STEAP3: variants seen among roughly 807,000 people sequenced by gnomAD.
The protein encoded by STEAP3 is STEAP3 metalloreductase.
A neutral mutation model predicts 34.9 loss-of-function variants in STEAP3; 35 were observed. The ratio of observed to expected loss-of-function variants is 1.00; its 90% confidence interval spans 0.76 to 1.33. The LOEUF (loss-of-function observed/expected upper bound fraction) is 1.33. Ranked by LOEUF, STEAP3 falls within the 40% of genes most tolerant of loss-of-function variation. The probability of loss-of-function intolerance (pLI) is 0.00; values close to 1 mark genes in which losing one functional copy is unlikely to be tolerated. For synonymous variants in STEAP3, 281 were observed against 301.6 expected, an observed-to-expected ratio of 0.93 and a Z score of 0.71; for missense variants, 652 against 667.6, an observed-to-expected ratio of 0.98 and a Z score of 0.26.
rs147072811 is a variant in STEAP3 at position 119,235,840 on chromosome 2, G to A, written c.22+4806G>A. The stretch of plus-strand genomic sequence containing the variant: ...GACCCCAGTGGCATGACTGTCCTCG[G>A]CAGGGAACCAGATGTTGGGACCAGC... On this transcript the variant is annotated intron_variant, in intron 2 of 5. Coordinates refer to ENST00000393110, the MANE Select transcript of STEAP3 (RefSeq NM_182915.3). Among the ~76,000 whole-genome samples, 1,503 of 152,280 alleles carry A rather than the reference G, an allele frequency of 9.9e-3. 14 individuals are homozygous for A. The highest frequency in any genetic ancestry group is 0.018 in the South Asian group (86 of 4,822).
chr2:119,235,478 G>A (rs150953865), intron 2 of STEAP3, among the ~76,000 whole-genome samples: 106 of 152,314 alleles, frequency 7.0e-4, no homozygotes, highest in African/African-American at 2.4e-3. Context: ...CATTGACTCC[G>A]TCCACAGCCC....
intron 5 of STEAP3, among the ~76,000 whole-genome samples, chr2:119,255,683 G>A (rs766028553): frequency 4.6e-5 from 7 of 151,262 alleles, no homozygotes; most frequent in Non-Finnish European, 7.4e-5. Flanking sequence ...GAGCTTGAGC[G>A]ATTCTTCCAG....
intron 1 of STEAP3, among the ~76,000 whole-genome samples, chr2:119,228,780 A>G (rs1679118672): frequency 6.6e-6 from 1 of 152,090 alleles, no homozygotes; most frequent in Admixed American, 6.5e-5. Context: ...AACATCTGGC[A>G]TGGCTTGTGG....
intron 2 of STEAP3, among the ~76,000 whole-genome samples, chr2:119,241,066 G>GCGCA (rs563661098): frequency 6.7e-6 from 1 of 149,646 alleles, no homozygotes. Flanking sequence ...TAGGACACGT[G>GCGCA]CACACACACA....
At chr2:119,248,390 C>T in intron 4 of STEAP3, 184 bp downstream of exon 4, 1 of 698,296 alleles carries the variant, frequency 1.4e-6, no homozygotes, top group Non-Finnish European at 2.3e-6. Context: ...TATCAGTGAA[C>T]AAAGCAGATG....
chr2:119,250,639 C>T (rs559537902), intron 4 of STEAP3, among the ~76,000 whole-genome samples: 4 of 152,214 alleles, frequency 2.6e-5, no homozygotes, highest in African/African-American at 7.2e-5. Flanking sequence ...AAGACGGGGA[C>T]GGTGCCCACT....
rs3731606 is a variant in STEAP3, at chr2:119,245,231, G to A, written c.23-258G>A. The stretch of plus-strand genomic sequence containing the variant: ...CACTCTCACTCTGCCAGTTTTTCCC[G>A]AGGAAATCATTCAGCAGGAGGGACA... On this transcript the variant is annotated intron_variant, in intron 2 of 5. Transcript: ENST00000393110. 1,037 of 470,694 alleles carry A rather than the reference G, an allele frequency of 2.2e-3. 15 individuals carry two copies. The highest frequency in any genetic ancestry group is 0.022 in the East Asian group (677 of 31,002). 29.2% of individuals were successfully genotyped at this position (470,694 alleles called of 1,614,324 possible).
intron 2 of STEAP3, among the ~76,000 whole-genome samples, 180 bp downstream of exon 2, chr2:119,231,214 C>A (rs1263294486): frequency 1.3e-5 from 2 of 152,146 alleles, no homozygotes; most frequent in Non-Finnish European, 2.9e-5. Flanking sequence ...GCAAAAAGTG[C>A]AGTATGAAAT....
chr2:119,248,624 T>C (rs997988057), intron 4 of STEAP3: 1 of 165,962 alleles, frequency 6.0e-6, no homozygotes, highest in African/African-American at 2.4e-5. Context: ...CCTGCTGGGG[T>C]GATGTTGCAG....
chr2:119,225,565 A>G (rs895159793), intron 1 of STEAP3, among the ~76,000 whole-genome samples: 1 of 152,246 alleles, frequency 6.6e-6, no homozygotes, highest in Admixed American at 6.5e-5. Flanking sequence ...TTCCTCTCCC[A>G]TTCATATCTC....
chr2:119,248,263 C>CG, intron 4 of STEAP3, 57 bp downstream of exon 4: 1 of 1,420,106 alleles, frequency 7.0e-7, no homozygotes, highest in Non-Finnish European at 9.3e-7. Context: ...TGTCCAGCAC[C>CG]TCCCCCCCCC....
At position 119,245,478 on chromosome 2, in the gene STEAP3, T is replaced by C; in HGVS notation, c.23-11T>C. On this transcript the variant is annotated splice_polypyrimidine_tract_variant and intron_variant, in intron 2 of 5. Transcript: ENST00000393110. ...GCCCTCCACTGACCAGGTTCCTGAC[T>C]TCTCTTGCAGCCACCAAAATGCCAG... is the stretch of plus-strand genomic sequence containing the variant. 6.4e-7 allele frequency: 1 copy of C among 1,567,272 alleles called. No homozygotes were observed. Among genetic ancestry groups the C allele is most frequent in the Non-Finnish European group, 8.7e-7 (1 of 1,151,570 alleles).
chr2:119,227,666 G>A (rs555771261), intron 1 of STEAP3, among the ~76,000 whole-genome samples: 20 of 152,128 alleles, frequency 1.3e-4, no homozygotes, highest in Non-Finnish European at 2.5e-4. Context: ...AGCCGACTTC[G>A]GTACATATAA....
At chr2:119,239,612 G>A (rs775171242) in intron 2 of STEAP3, among the ~76,000 whole-genome samples, 7 of 152,174 alleles carry the variant, frequency 4.6e-5, no homozygotes, top group Non-Finnish European at 1.0e-4. Flanking sequence ...GGCCCCGTTT[G>A]CTCAATGCAG....
intron 1 of STEAP3, among the ~76,000 whole-genome samples, chr2:119,225,214 A>T (rs1679001463): frequency 6.6e-6 from 1 of 152,146 alleles, no homozygotes; most frequent in Non-Finnish European, 1.5e-5. Flanking sequence ...ACTATGTCTT[A>T]CTCATCTCTG....
At chr2:119,254,538 C>T in intron 4 of STEAP3, 146 bp from the exon 5 acceptor site, 1 of 842,578 alleles carries the variant, frequency 1.2e-6, no homozygotes, top group Non-Finnish European at 1.9e-6. Context: ...TGAGTTAATG[C>T]CTGAGAAACG....
intron 3 of STEAP3, chr2:119,246,496 T>C (rs903143980): frequency 1.3e-5 from 2 of 156,318 alleles, no homozygotes; most frequent in Admixed American, 1.2e-4. Flanking sequence ...CAGCTAGAGC[T>C]GCATACGTTT....
rs187315330 is a variant in STEAP3, at chr2:119,252,888, T to C, written c.1051-1796T>C. 2.9e-4 allele frequency among the ~76,000 whole-genome samples: 44 copies of C among 152,230 alleles called. No individual in the cohort carries two copies. In the East Asian group the frequency reaches 8.3e-3, roughly 29 times the overall value. ...AGGCATTTTACAAGCCAATGTGGTATACGTGTGTGTAATCATCCAAACTCT... is the reference window on the plus strand; with the variant it reads ...AGGCATTTTACAAGCCAATGTGGTACACGTGTGTGTAATCATCCAAACTCT... On this transcript the variant is annotated intron_variant, in intron 4 of 5. Transcript: ENST00000393110.
intron 1 of STEAP3, among the ~76,000 whole-genome samples, chr2:119,228,917 G>T (rs796269252): frequency 3.9e-5 from 6 of 152,252 alleles, no homozygotes; most frequent in African/African-American, 1.4e-4. Flanking sequence ...GTACTCTCCA[G>T]CTCCTGTACT....
Sources: allele counts gnomAD v4.1 joint callset (sites outside exome capture counted in the v4.1 genomes callset), GRCh38; gene constraint gnomAD v4.1.1; transcripts MANE v1.5; gene names NCBI Gene and HGNC (gene_info 2026-07-23, HGNC 2026-07-21).